CELF4: variants seen among roughly 807,000 people sequenced by gnomAD.
CELF4 encodes CUG-BP- and ETR-3-like factor 4.
Under a neutral mutation model 59.9 loss-of-function variants are expected in CELF4, and 18 were observed. The observed-to-expected ratio is 0.30, with a 90% CI of 0.21 to 0.45. CELF4 has a LOEUF of 0.45. Ranked by LOEUF, CELF4 falls within the 20% of genes least tolerant of loss-of-function variation. The pLI is 1.00. For missense variants in CELF4, 456 were observed against 689.0 expected (o/e 0.66, Z 3.79); for synonymous variants, 261 against 267.1 (o/e 0.98, Z 0.22).
intron 2 of CELF4, among the ~76,000 whole-genome samples, chr18:37,436,272 A>AT (rs2099692075): frequency 6.6e-6 from 1 of 152,172 alleles, no homozygotes; most frequent in African/African-American, 2.4e-5. Context: ...CGAACTCGGG[A>AT]GCAGTTCGAG....
chr18:37,502,908 G>A (rs35882474), intron 1 of CELF4, among the ~76,000 whole-genome samples: 18,220 of 152,238 alleles, frequency 0.12, 1,321 homozygotes, highest in Non-Finnish European at 0.16. Flanking sequence ...TGCTGGGGTC[G>A]GATCTGCTTT....
chr18:37,417,562 G>A (rs2099539505), intron 2 of CELF4, among the ~76,000 whole-genome samples: 1 of 152,218 alleles, frequency 6.6e-6, no homozygotes, highest in Admixed American at 6.5e-5. Flanking sequence ...AGCCCGTAGG[G>A]CAGGTCCTGC....
chr18:37,276,588 A>T (rs184013117), intron 3 of CELF4: 5 of 152,222 alleles, frequency 3.3e-5, no homozygotes, highest in Admixed American at 3.3e-4. Context: ...CGACCACCAG[A>T]CACGTGAATG....
chr18:37,272,572 GAAA>G (rs397692958), intron 7 of CELF4, among the ~76,000 whole-genome samples: 4 of 104,924 alleles, frequency 3.8e-5, no homozygotes, highest in Admixed American at 1.0e-4. Context: ...AAAGGGAAAT[GAAA>G]AAAAAAAAAA....
intron 2 of CELF4, among the ~76,000 whole-genome samples, chr18:37,409,477 C>T (rs1184063311): frequency 6.6e-6 from 1 of 152,210 alleles, no homozygotes; most frequent in Non-Finnish European, 1.5e-5. Flanking sequence ...TGTAAGCACG[C>T]TCTTCACTGA....
intron 2 of CELF4, among the ~76,000 whole-genome samples, chr18:37,406,851 G>T (rs548981029): frequency 6.6e-6 from 1 of 152,154 alleles, no homozygotes; most frequent in East Asian, 1.9e-4. Flanking sequence ...GGTATTATGG[G>T]GTTGTGGGGA....
intron 2 of CELF4, among the ~76,000 whole-genome samples, chr18:37,351,954 CAG>C (rs1304011617): frequency 3.3e-5 from 5 of 152,106 alleles, no homozygotes; most frequent in African/African-American, 1.2e-4. Context: ...TTTCACTACT[CAG>C]GGGAAGCAGC....
intron 2 of CELF4, among the ~76,000 whole-genome samples, chr18:37,373,182 G>T (rs1292307178): frequency 6.6e-6 from 1 of 152,228 alleles, no homozygotes; most frequent in Non-Finnish European, 1.5e-5. Context: ...TCTACTCTCT[G>T]TTGCATGCCA....
At chr18:37,316,727 C>T (rs655733) in intron 3 of CELF4, among the ~76,000 whole-genome samples, 1 of 152,050 alleles carries the variant, frequency 6.6e-6, no homozygotes, top group Non-Finnish European at 1.5e-5. Context: ...CTGACCCACT[C>T]CTACCCTGGT....
chr18:37,339,223 T>C (rs2097900641), intron 2 of CELF4, among the ~76,000 whole-genome samples: 1 of 152,198 alleles, frequency 6.6e-6, no homozygotes, highest in Non-Finnish European at 1.5e-5. Context: ...AGCCTGGAGA[T>C]GATATTAGGA....
chr18:37,309,590 C>T (rs1338428650), intron 3 of CELF4, among the ~76,000 whole-genome samples: 3 of 152,026 alleles, frequency 2.0e-5, no homozygotes, highest in Admixed American at 6.6e-5. Context: ...GATGGGAGAA[C>T]GAACTAGAGA....
At chr18:37,400,413 T>G (rs2099312401) in intron 2 of CELF4, among the ~76,000 whole-genome samples, 1 of 152,220 alleles carries the variant, frequency 6.6e-6, no homozygotes, top group Non-Finnish European at 1.5e-5. Context: ...TAGCTTCTAT[T>G]TCTCTGGAGA....
intron 2 of CELF4, among the ~76,000 whole-genome samples, chr18:37,364,895 C>A (rs1174711066): frequency 6.6e-6 from 1 of 152,084 alleles, no homozygotes; most frequent in Non-Finnish European, 1.5e-5. Context: ...GACTATGGAG[C>A]TCAAGACGGG....
chr18:37,510,202 C>A (rs1234603231), intron 1 of CELF4, among the ~76,000 whole-genome samples: 4 of 152,196 alleles, frequency 2.6e-5, no homozygotes, highest in Admixed American at 6.5e-5. Flanking sequence ...AATGAATACA[C>A]TAAAGCACAA....
intron 3 of CELF4, among the ~76,000 whole-genome samples, chr18:37,303,367 CA>C (rs971352782): frequency 3.3e-5 from 5 of 152,174 alleles, no homozygotes; most frequent in African/African-American, 1.2e-4. Flanking sequence ...CACTTCCCCA[CA>C]AAAAGGAAAA....
chr18:37,247,413 G>A (rs1194648501), intron 12 of CELF4: 3 of 150,858 alleles, frequency 2.0e-5, no homozygotes, highest in Non-Finnish European at 2.9e-5. Flanking sequence ...GTGGGGTTGG[G>A]GAGTGTGGGA....
At chr18:37,436,511 G>A (rs1003213078) in intron 2 of CELF4, among the ~76,000 whole-genome samples, 1 of 152,194 alleles carries the variant, frequency 6.6e-6, no homozygotes, top group Non-Finnish European at 1.5e-5. Context: ...AGCTGCAGAG[G>A]GGGGATCAAG....
chr18:37,353,519 G>A (rs2098503030), intron 2 of CELF4, among the ~76,000 whole-genome samples: 1 of 151,486 alleles, frequency 6.6e-6, no homozygotes, highest in Non-Finnish European at 1.5e-5. Context: ...GGCAGCAATA[G>A]GGCATGGGGG....
intron 1 of CELF4, among the ~76,000 whole-genome samples, chr18:37,535,661 T>G (rs1455258845): frequency 6.6e-6 from 1 of 152,038 alleles, no homozygotes. Context: ...TCCGAAGGGA[T>G]AGTAAGCAGC....
Sources: gnomAD v4.1 joint callset for allele counts (sites outside exome capture counted in the v4.1 genomes callset) on GRCh38, gnomAD v4.1.1 for gene constraint, MANE v1.5 for transcripts, NCBI Gene and HGNC (gene_info 2026-07-23, HGNC 2026-07-21) for gene names.